TRIM46: variants seen among roughly 807,000 people sequenced by gnomAD.
The protein encoded by TRIM46 is tripartite motif-containing protein 46.
Under a neutral mutation model 69.7 loss-of-function variants are expected in TRIM46, and 17 were observed. That is an observed-to-expected ratio of 0.24 (90% CI 0.17 to 0.37). The LOEUF is 0.37. TRIM46 is among the 10% of genes least tolerant of loss of function. TRIM46 has a pLI of 1.00. For missense variants in TRIM46, 675 were observed against 1,025.1 expected (o/e 0.66, Z 4.66); for synonymous variants, 391 against 429.0 (o/e 0.91, Z 1.09).
intron 1 of TRIM46, chr1:155,174,519 T>C (rs1665451971): frequency 5.5e-6 from 8 of 1,443,802 alleles, no homozygotes; most frequent in Non-Finnish European, 7.3e-6. Flanking sequence ...AACCCGTGCC[T>C]GGCTCTCCCA....
rs759253510 is a variant in TRIM46 at position 155,183,899 on chromosome 1, G to A, written c.1989G>A (p.Leu663=). The A allele has an allele frequency of 6.2e-7, 1 of 1,613,670 alleles. No homozygotes were observed. The highest frequency in any genetic ancestry group is 1.1e-5 in the South Asian group (1 of 91,070). Residue 663 remains leucine (L), a synonymous_variant, in exon 10 of 10, where the codon CTG becomes CTA. Transcript: ENST00000334634. ...CCATTGGCATGGGCAAGATCCTGCT[G>A]GGGTCGGGGGCAAGCTCAAACGCAG... ...FLTIGMGKIL[L]GSGASSNAGL...
At chr1:155,174,903 G>T (rs1665510756) in intron 1 of TRIM46, 1 of 1,408,856 alleles carries the variant, frequency 7.1e-7, no homozygotes, top group Admixed American at 3.2e-5. Flanking sequence ...CGGAGCTGCG[G>T]CAGGAGGACG....
chr1:155,179,651 T>C lies in TRIM46; in HGVS notation c.1305T>C (p.Ile435=), dbSNP rs751685346. The C allele has an allele frequency of 8.7e-6, 14 of 1,604,726 alleles. No individual in the cohort carries two copies. In the Admixed American group the frequency reaches 2.3e-4, roughly 27 times the overall value. ...NFLRVPEAPV[I]DTQRTFAYDQ... ...CAACAGTGCCTGAGGCCCCCGTCAT[T>C]GACACCCAGCGCACCTTTGCCTATG... The change falls in exon 8 of 10, where the codon ATT becomes ATC. Residue 435 remains isoleucine, a synonymous_variant. Transcript: ENST00000334634.
At chr1:155,178,739 T>TTTGGCCCCCCCCCCCCC in intron 7 of TRIM46, 126 bp downstream of exon 7, 2 of 1,348,474 alleles carry the variant, frequency 1.5e-6, no homozygotes, top group Non-Finnish European at 2.0e-6. Context: ...CAGCCATTCC[T>TTTGGCCCCCCCCCCCCC]CCCACCCAGC....
intron 5 of TRIM46, among the ~76,000 whole-genome samples, chr1:155,177,545 C>T (rs773181621): frequency 5.9e-5 from 9 of 152,168 alleles, no homozygotes; most frequent in South Asian, 2.1e-4. Flanking sequence ...AAACCCCACG[C>T]GTAGCTCAGA....
chr1:155,178,522 A>G lies in TRIM46; in HGVS notation c.1194A>G (p.Thr398=), dbSNP rs1665871457. 2 of 1,613,974 alleles carry G rather than the reference A, an allele frequency of 1.2e-6. No homozygotes were observed. The highest frequency in any genetic ancestry group is 8.5e-7 in the Non-Finnish European group (1 of 1,180,014). Reference sequence around the variant, plus strand: ...CCCGAGCCACTGAAGCCCTCCAGACATTCCGGCCAGCTGCCAGCTCCTCCT... The same window carrying G: ...CCCGAGCCACTGAAGCCCTCCAGACGTTCCGGCCAGCTGCCAGCTCCTCCT... ...RIARATEALQ[T]FRPAASSSFR... is the part of the protein sequence containing the mutation. Residue 398 remains threonine, a synonymous_variant, in exon 7 of 10, where the codon ACA becomes ACG. Transcript: ENST00000334634.
intron 5 of TRIM46, 55 bp downstream of exon 5, chr1:155,177,345 A>G: frequency 6.8e-7 from 1 of 1,460,090 alleles, no homozygotes; most frequent in Non-Finnish European, 9.6e-7. Flanking sequence ...AGGGGCAGGA[A>G]GGGGGTGTGG....
intron 1 of TRIM46, chr1:155,174,740 T>TC: frequency 6.9e-7 from 1 of 1,456,432 alleles, no homozygotes; most frequent in African/African-American, 1.4e-5. Flanking sequence ...GGCGGGGCTC[T>TC]TGATTCCCCC....
At position 155,175,484 on chromosome 1, in the gene TRIM46, G is replaced by A. The variant is rs745594142; in HGVS notation, c.162G>A (p.Gln54=). 3 of 1,614,174 alleles carry A rather than the reference G, an allele frequency of 1.9e-6. No homozygotes were observed. Residue 54 remains glutamine (Q), a synonymous_variant, in exon 2 of 10, where the codon CAG becomes CAA. Coordinates refer to ENST00000334634, the MANE Select transcript of TRIM46 (RefSeq NM_025058.5). The surrounding 1 kb of genome is among the most constrained non-coding windows in gnomAD (Gnocchi z 4.2). ...LVLPCTHNVC[Q]ACAREVLGQQ... is the part of the protein sequence containing the mutation. ...TGCCCTGTACCCACAACGTGTGCCAGGCCTGTGCCCGAGAGGTCTTGGGCC... is the reference window on the plus strand; with the variant it reads ...TGCCCTGTACCCACAACGTGTGCCAAGCCTGTGCCCGAGAGGTCTTGGGCC...
chr1:155,174,874 G>A, intron 1 of TRIM46: 1 of 1,413,444 alleles, frequency 7.1e-7, no homozygotes, highest in Non-Finnish European at 9.2e-7. Context: ...GGGGAATGGA[G>A]GCTGGAGTGG....
rs765953654 is a variant in TRIM46 at position 155,175,885 on chromosome 1, C to T, written c.326-3C>T. 1.1e-5 allele frequency: 18 copies of T among 1,583,814 alleles called. No individual in the cohort carries two copies. Among genetic ancestry groups the T allele is most frequent in the Non-Finnish European group, 1.5e-5 (17 of 1,164,346 alleles). ...GTCCTCTACCTCCCTGGTTCACCCA[C>T]AGGCTTTGGGACATACCCTGGGAGG... On this transcript the variant is annotated splice_region_variant and splice_polypyrimidine_tract_variant and intron_variant, in intron 2 of 9. Transcript: ENST00000334634. The surrounding 1 kb of genome is among the most constrained non-coding windows in gnomAD (Gnocchi z 4.2).
chr1:155,178,106 C>A lies in TRIM46; in HGVS notation c.1014C>A (p.Cys338Ter). Residue 338 changes from cysteine (C) to a stop codon, truncating the protein, a stop_gained, in exon 6 of 10, where the codon TGC (cysteine) becomes TGA (stop). Coordinates refer to ENST00000334634, the MANE Select transcript of TRIM46 (RefSeq NM_025058.5). LOFTEE classifies it high-confidence loss of function. ...CACTGCTTCAGGCCATTGAAGAATG[C>A]CAGCAGGAGCGGCTGGCCCGTCTCA... ...RASLLQAIEE[C>*]QQERLARLSA... 1 of 1,614,160 alleles carries A rather than the reference C, an allele frequency of 6.2e-7. No individual in the cohort carries two copies.
chr1:155,179,580 A>G, intron 7 of TRIM46, 52 bp from the exon 8 acceptor site: 2 of 1,515,708 alleles, frequency 1.3e-6, no homozygotes, highest in Non-Finnish European at 1.8e-6. Context: ...CCTGCCCTCC[A>G]TGCCAGGCCA....
In TRIM46 at chr1:155,177,925, A is replaced by G. The variant is rs989733713; in HGVS notation, c.910-77A>G. 30 of 1,549,564 alleles carry G rather than the reference A, an allele frequency of 1.9e-5. No individual in the cohort carries two copies. The South Asian group carries it at 3.7e-4, about 19-fold the overall frequency. The stretch of plus-strand genomic sequence containing the variant: ...TGACCTTAGCCATGCTGTGGCATCC[A>G]AGGAGGCCAGCACAAGTGCTGCCTC... On this transcript the variant is annotated intron_variant, in intron 5 of 9. Coordinates refer to ENST00000334634, the MANE Select transcript of TRIM46 (RefSeq NM_025058.5).
At position 155,178,607 on chromosome 1, in the gene TRIM46, C is replaced by T. The variant is rs1259730280; in HGVS notation, c.1279C>T (p.Leu427=). The change falls in exon 7 of 10, where the codon CTG becomes TTG. Residue 427 remains leucine (L), a synonymous_variant. Transcript: ENST00000334634. ...EMKLLTELNF[L]RVPEAPVIDT... Reference sequence around the variant, plus strand: ...GAAGCTGCTGACAGAGCTTAACTTCCTGCGAGGTAAGGAGATGGCCAGGCC... The same window carrying T: ...GAAGCTGCTGACAGAGCTTAACTTCTTGCGAGGTAAGGAGATGGCCAGGCC... 6.2e-7 allele frequency: 1 copy of T among 1,613,166 alleles called. No homozygotes were observed. Among genetic ancestry groups the T allele is most frequent in the African/African-American group, 1.3e-5 (1 of 74,940 alleles).
intron 8 of TRIM46, 100 bp downstream of exon 8, chr1:155,180,034 C>T: frequency 1.6e-6 from 2 of 1,279,360 alleles, no homozygotes; most frequent in Non-Finnish European, 2.1e-6. Flanking sequence ...GGCCATATAA[C>T]ATAGTAGGTC....
intron 8 of TRIM46, chr1:155,180,478 C>A: frequency 2.3e-6 from 1 of 426,882 alleles, no homozygotes; most frequent in South Asian, 5.3e-5. Context: ...GCCTACAATT[C>A]CAGCTACTCG....
In TRIM46 at chr1:155,175,883, C is replaced by T. The variant is rs199850344; in HGVS notation, c.326-5C>T. 91 of 1,583,870 alleles carry T rather than the reference C, an allele frequency of 5.7e-5. No homozygotes were observed. Among genetic ancestry groups the T allele is most frequent in the South Asian group, 5.7e-5 (5 of 86,978 alleles). ...ATGTCCTCTACCTCCCTGGTTCACC[C>T]ACAGGCTTTGGGACATACCCTGGGA... On this transcript the variant is annotated splice_region_variant and splice_polypyrimidine_tract_variant and intron_variant, in intron 2 of 9. Transcript: ENST00000334634. The surrounding 1 kb of genome is among the most constrained non-coding windows in gnomAD (Gnocchi z 4.2).
intron 9 of TRIM46, chr1:155,182,441 C>T (rs1420818916): frequency 3.5e-6 from 2 of 564,600 alleles, no homozygotes; most frequent in East Asian, 5.7e-5. Flanking sequence ...TGGATCAACA[C>T]ACCATCTCTC....
Sources: gnomAD v4.1 joint callset for allele counts (sites outside exome capture counted in the v4.1 genomes callset) on GRCh38, gnomAD v4.1.1 for gene constraint, Gnocchi (gnomAD v3.1) non-coding constraint, MANE v1.5 for transcripts, NCBI Gene and HGNC (gene_info 2026-07-23, HGNC 2026-07-21) for gene names.